The following TEX9 variants were observed in gnomAD, a reference collection of about 807,000 sequenced individuals.
TEX9 encodes the protein testis-expressed protein 9.
Under a neutral mutation model 59.6 loss-of-function variants are expected in TEX9, and 74 were observed. That is an observed-to-expected ratio of 1.24 (90% CI 1.03 to 1.51). The LOEUF (loss-of-function observed/expected upper bound fraction) is 1.51. TEX9 is among the 40% of genes most tolerant of loss of function. The pLI is 0.00. For missense variants in TEX9, 522 were observed against 447.8 expected, an observed-to-expected ratio of 1.17 and a Z score of -1.49; for synonymous variants, 186 against 152.2, an observed-to-expected ratio of 1.22 and a Z score of -1.64.
exon 1 of TEX9, chr15:56,244,223 T>G (rs538420085): frequency 5.9e-5 from 9 of 152,346 alleles, no homozygotes; most frequent in African/African-American, 1.9e-4. Context: ...CCCCTTCCCC[T>G]GCACATGCAT....
chr15:56,379,747 C>T (rs1162868840), intron 3 of TEX9, among the ~76,000 whole-genome samples: 1 of 152,118 alleles, frequency 6.6e-6, no homozygotes, highest in Non-Finnish European at 1.5e-5. Context: ...TATATGCAAT[C>T]ATTATATCCT....
intron 4 of TEX9, among the ~76,000 whole-genome samples, 162 bp downstream of exon 4, chr15:56,384,193 A>G (rs1253046627): frequency 3.9e-5 from 6 of 152,142 alleles, no homozygotes; most frequent in Admixed American, 1.3e-4. Flanking sequence ...CCTTTATCTC[A>G]TGTAATTTTC....
At chr15:56,340,974 G>T (rs1301928991) in intron 1 of TEX9, among the ~76,000 whole-genome samples, 1 of 152,140 alleles carries the variant, frequency 6.6e-6, no homozygotes, top group Non-Finnish European at 1.5e-5. Flanking sequence ...ATGTTCTGAA[G>T]TAGGTCTATT....
intron 1 of TEX9, among the ~76,000 whole-genome samples, chr15:56,307,443 G>A (rs972452084): frequency 3.3e-5 from 5 of 152,134 alleles, no homozygotes; most frequent in African/African-American, 7.2e-5. Flanking sequence ...CAGGACTGAC[G>A]AGATAAAAGG....
At chr15:56,288,425 TA>T (rs1448795700) in intron 1 of TEX9, among the ~76,000 whole-genome samples, 1 of 152,162 alleles carries the variant, frequency 6.6e-6, no homozygotes, top group Non-Finnish European at 1.5e-5. Flanking sequence ...AAGACAGGTC[TA>T]GGGGTGATAA....
chr15:56,313,625 C>T (rs1403026366), intron 1 of TEX9, among the ~76,000 whole-genome samples: 3 of 133,194 alleles, frequency 2.3e-5, no homozygotes, highest in African/African-American at 5.4e-5. Flanking sequence ...TTTGTTGTGT[C>T]TCTGCCTGGC....
At chr15:56,251,870 G>A (rs1213828758) in intron 1 of TEX9, among the ~76,000 whole-genome samples, 4 of 152,070 alleles carry the variant, frequency 2.6e-5, no homozygotes, top group South Asian at 4.2e-4. Flanking sequence ...ACATACAAGC[G>A]ACGGCATAGA....
In TEX9 at chr15:56,394,151, A is replaced by T. The variant is rs1017529930; in HGVS notation, c.572-14A>T. On this transcript the variant is annotated splice_polypyrimidine_tract_variant and intron_variant, in intron 7 of 12. Transcript: ENST00000352903. ...TCAGCAAAAGACAGTAAATATAATT[A>T]TTTAAATTCACAGAAGCACAGATCA... 1.2e-6 allele frequency: 2 copies of T among 1,600,140 alleles called. No homozygotes were observed. The highest frequency in any genetic ancestry group is 4.5e-5 in the East Asian group (2 of 44,520).
intron 9 of TEX9, among the ~76,000 whole-genome samples, chr15:56,401,326 A>AC (rs2048766562): frequency 6.6e-6 from 1 of 150,650 alleles, no homozygotes; most frequent in Non-Finnish European, 1.5e-5. Context: ...AAAAAAAAAA[A>AC]AAAAAACAGG....
intron 9 of TEX9, among the ~76,000 whole-genome samples, chr15:56,399,953 G>A (rs1283820654): frequency 3.3e-5 from 5 of 152,008 alleles, no homozygotes; most frequent in Admixed American, 1.3e-4. Flanking sequence ...CAACAGAAAG[G>A]ACATCTACAC....
At chr15:56,292,339 A>T (rs1596069342) in intron 1 of TEX9, among the ~76,000 whole-genome samples, 1 of 152,210 alleles carries the variant, frequency 6.6e-6, no homozygotes, top group Non-Finnish European at 1.5e-5. Flanking sequence ...CAGAGAGAGT[A>T]ATGAACACAC....
At chr15:56,311,965 T>C (rs2045631205) in intron 1 of TEX9, among the ~76,000 whole-genome samples, 1 of 150,608 alleles carries the variant, frequency 6.6e-6, no homozygotes, top group Non-Finnish European at 1.5e-5. Flanking sequence ...TCTGTTCATG[T>C]CCTTTGCCCA....
chr15:56,290,785 C>CTT (rs568536742), intron 1 of TEX9, among the ~76,000 whole-genome samples: 5 of 145,328 alleles, frequency 3.4e-5, no homozygotes, highest in East Asian at 4.0e-4. Context: ...GGTTATTCTC[C>CTT]TTTTTTTTTT....
chr15:56,424,333 C>T (rs1010168138), intron 10 of TEX9, among the ~76,000 whole-genome samples: 4 of 152,100 alleles, frequency 2.6e-5, no homozygotes, highest in Non-Finnish European at 5.9e-5. Flanking sequence ...TACAAAATTT[C>T]AGATTATCTT....
intron 2 of TEX9, among the ~76,000 whole-genome samples, chr15:56,366,174 C>G (rs1416630389): frequency 1.3e-5 from 2 of 152,114 alleles, no homozygotes; most frequent in Non-Finnish European, 2.9e-5. Flanking sequence ...GACAACGGTG[C>G]TTTCATTCTT....
intron 1 of TEX9, among the ~76,000 whole-genome samples, chr15:56,332,819 C>G (rs1192313425): frequency 1.3e-5 from 2 of 151,906 alleles, no homozygotes; most frequent in African/African-American, 4.8e-5. Context: ...TAAATAAAAT[C>G]AGAGGTGAAA....
chr15:56,336,490 A>G (rs536507447), intron 1 of TEX9, among the ~76,000 whole-genome samples: 1 of 152,314 alleles, frequency 6.6e-6, no homozygotes, highest in African/African-American at 2.4e-5. Flanking sequence ...GGCCCTCACC[A>G]GAGCCCCACC....
the TEX9 span, among the ~76,000 whole-genome samples, chr15:56,454,822 C>G: frequency 6.6e-6 from 1 of 152,064 alleles, no homozygotes; most frequent in Non-Finnish European, 1.5e-5. Context: ...TTTGTCTCTC[C>G]ATGCTTTATT....
chr15:56,408,073 ACTT>A (rs1596202564), intron 9 of TEX9, among the ~76,000 whole-genome samples: 2 of 152,234 alleles, frequency 1.3e-5, no homozygotes, highest in African/African-American at 2.4e-5. Flanking sequence ...CTATTTTAAA[ACTT>A]CTTTAGATCT....
Sources: allele counts gnomAD v4.1 joint callset (sites outside exome capture counted in the v4.1 genomes callset), GRCh38; gene constraint gnomAD v4.1.1; transcripts MANE v1.5; gene names NCBI Gene and HGNC (gene_info 2026-07-23, HGNC 2026-07-21).